The following SOX6 variants were observed in gnomAD, a reference collection of about 807,000 sequenced individuals.
The protein encoded by SOX6 is SRY-box transcription factor 6, also known as transcription factor SOX-6.
A neutral mutation model predicts 97.8 loss-of-function variants in SOX6; 11 were observed. That is an observed-to-expected ratio of 0.11 (90% confidence interval 0.07 to 0.19). The LOEUF (loss-of-function observed/expected upper bound fraction) is 0.19, where lower values mean the gene tolerates loss of function less well. Among genes scored for constraint, SOX6 ranks in the 10% least tolerant of loss-of-function variants. The pLI is 1.00. For synonymous variants in SOX6, 360 were observed against 371.4 expected (o/e 0.97, Z 0.35); for missense variants, 810 against 1,039.5 (o/e 0.78, Z 3.04).
chr11:16,018,172 T>C (rs1217023369), intron 12 of SOX6, among the ~76,000 whole-genome samples: 1 of 152,098 alleles, frequency 6.6e-6, no homozygotes. Context: ...ATGTTAAATG[T>C]TACAAGCCAC....
chr11:16,471,626 T>C (rs1473569155), intron 1 of SOX6, among the ~76,000 whole-genome samples: 1 of 152,214 alleles, frequency 6.6e-6, no homozygotes, highest in African/African-American at 2.4e-5. Context: ...CAAATATTTC[T>C]ATCGTTTTAG....
upstream of SOX6, among the ~76,000 whole-genome samples, chr11:16,357,477 G>A (rs143195736): frequency 3.7e-4 from 56 of 152,192 alleles, no homozygotes; most frequent in East Asian, 9.8e-3. Context: ...AACCAACTGA[G>A]TTTTGGGCAT....
At chr11:16,156,768 T>C (rs1313506395) in intron 6 of SOX6, among the ~76,000 whole-genome samples, 1 of 152,004 alleles carries the variant, frequency 6.6e-6, no homozygotes, top group Non-Finnish European at 1.5e-5. Flanking sequence ...TACTTTTTTT[T>C]ACCCTAATAT....
chr11:16,287,422 T>C (rs1306410734), intron 3 of SOX6, among the ~76,000 whole-genome samples: 1 of 151,840 alleles, frequency 6.6e-6, no homozygotes, highest in Non-Finnish European at 1.5e-5. Context: ...ACTGAGTTCA[T>C]GCAATCCTAA....
chr11:16,250,746 A>C (rs1853485128), intron 3 of SOX6, among the ~76,000 whole-genome samples: 1 of 152,110 alleles, frequency 6.6e-6, no homozygotes, highest in African/African-American at 2.4e-5. Context: ...AGATTTTAAC[A>C]TAGCTGCCTC....
chr11:16,282,673 T>C (rs1227107857), intron 3 of SOX6, among the ~76,000 whole-genome samples: 2 of 151,504 alleles, frequency 1.3e-5, no homozygotes, highest in African/African-American at 2.4e-5. Flanking sequence ...TAATTCATTA[T>C]TATTGAATTA....
chr11:16,347,625 T>C (rs1294554552), intron 1 of SOX6, among the ~76,000 whole-genome samples: 1 of 152,060 alleles, frequency 6.6e-6, no homozygotes, highest in East Asian at 1.9e-4. Flanking sequence ...AACAGACATC[T>C]CTCTGTCAGC....
chr11:16,648,847 A>G (rs10832665), intron 3 of SOX6, among the ~76,000 whole-genome samples: 1 of 151,876 alleles, frequency 6.6e-6, no homozygotes, highest in Non-Finnish European at 1.5e-5. Context: ...AGGTGAAAAC[A>G]AACTTAAAAA....
At chr11:16,422,338 T>C (rs1859036146) in intron 1 of SOX6, among the ~76,000 whole-genome samples, 2 of 152,208 alleles carry the variant, frequency 1.3e-5, no homozygotes, top group East Asian at 3.8e-4. Flanking sequence ...AGAACTATTT[T>C]AGACCTCAGG....
chr11:16,681,731 G>T (rs893138174), intron 3 of SOX6, among the ~76,000 whole-genome samples: 2 of 152,018 alleles, frequency 1.3e-5, no homozygotes, highest in Non-Finnish European at 2.9e-5. Context: ...TAATAAAGAA[G>T]AAAAGAGAGA....
At chr11:16,626,406 G>A (rs559244853) in intron 3 of SOX6, among the ~76,000 whole-genome samples, 3 of 152,260 alleles carry the variant, frequency 2.0e-5, no homozygotes, top group African/African-American at 4.8e-5. Flanking sequence ...TTCTGTTCCA[G>A]TTGCCTGTCT....
chr11:16,545,103 A>G (rs1847602712), intron 4 of SOX6, among the ~76,000 whole-genome samples: 1 of 152,130 alleles, frequency 6.6e-6, no homozygotes, highest in Non-Finnish European at 1.5e-5. Flanking sequence ...TCTAAAATAA[A>G]AAAAACACAC....
chr11:16,432,951 G>A (rs554073160), intron 1 of SOX6, among the ~76,000 whole-genome samples: 137 of 152,088 alleles, frequency 9.0e-4, no homozygotes, highest in African/African-American at 3.3e-3. Context: ...GGCATTCTGT[G>A]GGGGCTTGCT....
intron 3 of SOX6, among the ~76,000 whole-genome samples, chr11:16,700,710 C>T (rs1848086279): frequency 6.6e-6 from 1 of 152,178 alleles, no homozygotes; most frequent in Admixed American, 6.5e-5. Context: ...TGACTCCTGC[C>T]CACCAGGCCC....
intron 4 of SOX6, among the ~76,000 whole-genome samples, chr11:16,535,693 AC>A (rs1034833462): frequency 5.3e-5 from 8 of 152,152 alleles, no homozygotes; most frequent in African/African-American, 1.9e-4. Context: ...ACAAAAACAA[AC>A]CAAAAAAGTC....
intron 2 of SOX6, among the ~76,000 whole-genome samples, chr11:16,337,922 AT>A (rs1474017708): frequency 2.0e-5 from 3 of 151,902 alleles, no homozygotes; most frequent in South Asian, 2.1e-4. Context: ...ACATTTAAAG[AT>A]TTTTTTTCTA....
intron 4 of SOX6, among the ~76,000 whole-genome samples, chr11:16,603,092 CTTGT>C (rs1472961929): frequency 2.0e-5 from 3 of 152,000 alleles, no homozygotes; most frequent in East Asian, 1.9e-4. Context: ...AGGATGTTTG[CTTGT>C]TTGTTTGTTT....
chr11:16,654,932 C>T (rs777709411), intron 3 of SOX6, among the ~76,000 whole-genome samples: 3 of 152,160 alleles, frequency 2.0e-5, no homozygotes, highest in Non-Finnish European at 4.4e-5. Flanking sequence ...TCACTGTTCC[C>T]CTTTTCTAAT....
chr11:16,646,448 T>C (rs913650662), intron 3 of SOX6: 2 of 152,118 alleles, frequency 1.3e-5, no homozygotes, highest in Admixed American at 1.3e-4. Flanking sequence ...TATCATCCTT[T>C]CGTAAGTTTT....
Sources: gnomAD v4.1 joint callset for allele counts (sites outside exome capture counted in the v4.1 genomes callset) on GRCh38, gnomAD v4.1.1 for gene constraint, MANE v1.5 for transcripts, NCBI Gene and HGNC (gene_info 2026-07-23, HGNC 2026-07-21) for gene names.